The following SYNE2 variants were observed in gnomAD, a reference collection of about 807,000 sequenced individuals.
SYNE2 encodes spectrin repeat containing nuclear envelope protein 2, also known as nesprin-2.
In SYNE2, 431 loss-of-function variants were observed where a neutral mutation model predicts 856.3. That is an observed-to-expected ratio of 0.50 (90% CI 0.47 to 0.55). SYNE2 has a LOEUF of 0.55. SYNE2 is among the 20% of genes least tolerant of loss of function. The pLI is 0.00. For synonymous variants in SYNE2, 2,923 were observed against 2,872.3 expected (o/e 1.02, Z -0.56); for missense variants, 8,129 against 8,023.2 (o/e 1.01, Z -0.50).
At chr14:64,090,323 A>G (rs1296435967) in intron 59 of SYNE2, among the ~76,000 whole-genome samples, 1 of 152,234 alleles carries the variant, frequency 6.6e-6, no homozygotes, top group East Asian at 1.9e-4. Flanking sequence ...ATGAAATGAT[A>G]TTATATGAGA....
At chr14:63,779,551 A>G (rs991700805) in intron 1 of SYNE2, among the ~76,000 whole-genome samples, 9 of 151,988 alleles carry the variant, frequency 5.9e-5, no homozygotes, top group Admixed American at 2.6e-4. Flanking sequence ...GGAACAAGCC[A>G]AGACGTCCCC....
In SYNE2 at chr14:64,137,956, T is replaced by G. The variant is rs751931827; in HGVS notation, c.14816T>G (p.Leu4939Arg). The change falls in exon 79 of 116, where the codon CTG becomes CGG. Residue 4939 changes from leucine (L) to arginine (R), a missense_variant. Leu to Arg is a moderately radical substitution (Grantham distance 102). Around this residue, in one of 3 missense-constraint regions of SYNE2, gnomAD observed 5,410 missense variants for 5,284.8 expected, o/e 1.02. Transcript: ENST00000555002. Reference protein sequence around the residue: ...NKKIDHELHRLQALLKHLLSY... With the variant: ...NKKIDHELHRRQALLKHLLSY... ...AAAATTGACCATGAGCTCCACAGGC[T>G]GCAAGCTCTTCTCAAGCATCTGCTC... 1.2e-6 allele frequency: 2 copies of G among 1,614,070 alleles called. No homozygotes were observed. Among genetic ancestry groups the G allele is most frequent in the Non-Finnish European group, 1.7e-6 (2 of 1,179,970 alleles).
At chr14:64,175,246 T>A in intron 95 of SYNE2, 108 bp downstream of exon 95, 2 of 1,282,884 alleles carry the variant, frequency 1.6e-6, no homozygotes. Flanking sequence ...GTATCATGAG[T>A]TTCCAACTCA....
intron 2 of SYNE2, among the ~76,000 whole-genome samples, chr14:63,931,026 A>G (rs138371695): frequency 2.8e-3 from 423 of 152,216 alleles, no homozygotes; most frequent in African/African-American, 9.7e-3. Flanking sequence ...TGAGCCCTTA[A>G]CGTGTGGGGT....
rs531596543 is a variant in SYNE2, at chr14:64,148,822, C to T, written c.15639+2599C>T. On this transcript the variant is annotated intron_variant, in intron 84 of 115. Coordinates refer to ENST00000555002, the MANE Select transcript of SYNE2 (RefSeq NM_182914.3). Reference sequence around the variant, plus strand: ...TGGGCTCATCTGTCCACGGGTCTGTCGTCTACCAGATTGTGGGATTCTCAA... The same window carrying T: ...TGGGCTCATCTGTCCACGGGTCTGTTGTCTACCAGATTGTGGGATTCTCAA... Among the ~76,000 whole-genome samples, 87 of 152,218 alleles carry T rather than the reference C, an allele frequency of 5.7e-4. No homozygotes were observed. In the South Asian group the frequency reaches 8.7e-3, roughly 15 times the overall value.
chr14:63,839,085 A>G (rs1383062317), intron 1 of SYNE2, among the ~76,000 whole-genome samples: 5 of 151,836 alleles, frequency 3.3e-5, no homozygotes, highest in Non-Finnish European at 5.9e-5. Flanking sequence ...GGCTGGAATC[A>G]GTGGCGTGAT....
chr14:63,765,711 GGTTGA>G (rs757782328), intron 1 of SYNE2, among the ~76,000 whole-genome samples: 35 of 152,194 alleles, frequency 2.3e-4, no homozygotes, highest in South Asian at 4.1e-4. Context: ...TAGTAATAAT[GGTTGA>G]GTTAAGACTA....
intron 8 of SYNE2, among the ~76,000 whole-genome samples, chr14:63,958,908 G>C (rs11621989): frequency 0.021 from 3,191 of 152,304 alleles, 63 homozygotes; most frequent in Non-Finnish European, 0.029. Flanking sequence ...TACGCTCAAA[G>C]TTTTGTCCAC....
At chr14:64,176,368 T>G (rs1794929862) in intron 95 of SYNE2, among the ~76,000 whole-genome samples, 1 of 152,222 alleles carries the variant, frequency 6.6e-6, no homozygotes, top group South Asian at 2.1e-4. Context: ...TGATAATACT[T>G]GTTTTAAATA....
intron 110 of SYNE2, 30 bp from the exon 111 acceptor site, chr14:64,220,407 T>TCCTAA: frequency 6.2e-7 from 1 of 1,613,266 alleles, no homozygotes; most frequent in Non-Finnish European, 8.5e-7. Context: ...CTTTCAGAGC[T>TCCTAA]CCTAACCTCA....
intron 96 of SYNE2, among the ~76,000 whole-genome samples, chr14:64,184,368 G>T (rs1255982): frequency 6.6e-6 from 1 of 150,838 alleles, no homozygotes; most frequent in East Asian, 2.0e-4. Flanking sequence ...GTGTGTATGT[G>T]TATGAACATG....
chr14:63,766,223 T>C (rs1258246366), intron 1 of SYNE2, among the ~76,000 whole-genome samples: 1 of 151,730 alleles, frequency 6.6e-6, no homozygotes, highest in Non-Finnish European at 1.5e-5. Flanking sequence ...GGATTACAGG[T>C]TCCTGCTATC....
chr14:63,827,278 A>AG (rs34203859), intron 1 of SYNE2, among the ~76,000 whole-genome samples: 3 of 27,482 alleles, frequency 1.1e-4, no homozygotes, highest in Non-Finnish European at 2.1e-4. Context: ...ACTCTGTCTC[A>AG]AAAAAAAAAA....
intron 1 of SYNE2, among the ~76,000 whole-genome samples, chr14:63,899,550 G>A (rs2095307659): frequency 6.6e-6 from 1 of 151,562 alleles, no homozygotes; most frequent in Non-Finnish European, 1.5e-5. Context: ...CACCCAGGCT[G>A]GAGTGCCGTG....
Position 64,175,110 on chromosome 14 carries a change from T to A in SYNE2, c.17402T>A (p.Met5801Lys). ...WKDMEPQLAE[M>K]IKQFQSTVET... ...GACATGGAGCCCCAGCTGGCAGAGA[T>A]GATTAAGCAGTTCCAGAGCACTGTA... The change falls in exon 95 of 116, where the codon ATG becomes AAG. Residue 5801 changes from methionine to lysine, a missense_variant. Physicochemically the swap from Met to Lys is moderately conservative, Grantham distance 95. Around this residue, in one of 3 missense-constraint regions of SYNE2, gnomAD observed 5,410 missense variants for 5,284.8 expected, o/e 1.02. Transcript: ENST00000555002. 6.2e-7 allele frequency: 1 copy of A among 1,614,074 alleles called. No homozygotes were observed. Among genetic ancestry groups the A allele is most frequent in the Non-Finnish European group, 8.5e-7 (1 of 1,179,946 alleles).
intron 1 of SYNE2, among the ~76,000 whole-genome samples, chr14:63,903,802 A>G (rs1595543021): frequency 2.3e-5 from 3 of 129,812 alleles, no homozygotes; most frequent in African/African-American, 8.0e-5. Flanking sequence ...ATTCAATGAA[A>G]TGGCCATTCT....
chr14:63,870,957 G>A (rs1402119482), intron 1 of SYNE2, among the ~76,000 whole-genome samples: 1 of 151,828 alleles, frequency 6.6e-6, no homozygotes, highest in African/African-American at 2.4e-5. Context: ...TTTTCCAGCT[G>A]TTTTTTTCTC....
intron 57 of SYNE2, chr14:64,087,393 C>T (rs774360682): frequency 6.7e-6 from 4 of 596,016 alleles, no homozygotes; most frequent in East Asian, 8.1e-5. Context: ...TAATAAAAGA[C>T]ACTTCTCTCT....
intron 1 of SYNE2, among the ~76,000 whole-genome samples, chr14:63,890,951 A>C (rs1486514852): frequency 1.3e-5 from 2 of 152,208 alleles, no homozygotes; most frequent in Admixed American, 6.5e-5. Context: ...CCAGTGCCTG[A>C]TATAGTGCCT....
Sources: allele counts gnomAD v4.1 joint callset (sites outside exome capture counted in the v4.1 genomes callset), GRCh38; gene constraint gnomAD v4.1.1; regional missense constraint gnomAD v4.1.1; transcripts MANE v1.5; gene names NCBI Gene and HGNC (gene_info 2026-07-23, HGNC 2026-07-21).